The following LRP1B variants were observed in gnomAD, a reference collection of about 807,000 sequenced individuals.
LRP1B encodes the protein LDL receptor related protein 1B, also known as low-density lipoprotein receptor-related protein 1B.
Under a neutral mutation model 556.6 loss-of-function variants are expected in LRP1B, and 217 were observed. The ratio of observed to expected loss-of-function variants is 0.39; its 90% CI spans 0.35 to 0.44. The LOEUF (loss-of-function observed/expected upper bound fraction) is 0.44. LRP1B is among the 20% of genes least tolerant of loss of function. The pLI, the probability that LRP1B is intolerant of heterozygous loss-of-function variation, is 1.00. For synonymous variants in LRP1B, 2,047 were observed against 1,865.8 expected (o/e 1.10, Z -2.50); for missense variants, 5,053 against 5,620.8 (o/e 0.90, Z 3.23).
chr2:141,516,844 C>T (rs946390202), intron 2 of LRP1B, among the ~76,000 whole-genome samples: 2 of 151,328 alleles, frequency 1.3e-5, no homozygotes, highest in African/African-American at 2.4e-5. Flanking sequence ...ATTGCAGGCA[C>T]ATGCCACCAT....
At chr2:141,421,000 T>C (rs577359289) in intron 3 of LRP1B, among the ~76,000 whole-genome samples, 305 of 152,322 alleles carry the variant, frequency 2.0e-3, no homozygotes, top group South Asian at 4.8e-3. Context: ...TGGGTAAAAT[T>C]AAACCACTCT....
chr2:140,938,671 A>G (rs1020411602), intron 20 of LRP1B, among the ~76,000 whole-genome samples: 2 of 152,062 alleles, frequency 1.3e-5, no homozygotes, highest in Non-Finnish European at 2.9e-5. Flanking sequence ...TCTTGGGAAA[A>G]TATCTAAACA....
At chr2:142,060,817 T>C (rs914399535) in intron 1 of LRP1B, among the ~76,000 whole-genome samples, 2 of 152,044 alleles carry the variant, frequency 1.3e-5, no homozygotes, top group South Asian at 4.1e-4. Flanking sequence ...AATAGGTTAA[T>C]AGAGCAATTA....
At chr2:141,813,878 T>C (rs893400427) in intron 1 of LRP1B, among the ~76,000 whole-genome samples, 1 of 151,774 alleles carries the variant, frequency 6.6e-6, no homozygotes, top group Non-Finnish European at 1.5e-5. Flanking sequence ...CAAGAGGGGG[T>C]CTAAAAGAGG....
chr2:140,490,768 G>A (rs905987650), intron 57 of LRP1B, among the ~76,000 whole-genome samples: 1 of 152,100 alleles, frequency 6.6e-6, no homozygotes, highest in African/African-American at 2.4e-5. Flanking sequence ...CTGGGCAGAA[G>A]GCTTGCCATG....
intron 41 of LRP1B, among the ~76,000 whole-genome samples, chr2:140,674,533 T>C (rs1228354921): frequency 6.6e-6 from 1 of 152,216 alleles, no homozygotes; most frequent in Non-Finnish European, 1.5e-5. Flanking sequence ...TTTCAACAAA[T>C]TGCCAATCAG....
intron 2 of LRP1B, among the ~76,000 whole-genome samples, chr2:141,698,337 G>T (rs995875411): frequency 1.3e-5 from 2 of 151,686 alleles, no homozygotes; most frequent in Non-Finnish European, 2.9e-5. Context: ...AATAAAGAAT[G>T]GTGAGTGCTG....
At chr2:141,128,166 T>C (rs890847100) in intron 7 of LRP1B, among the ~76,000 whole-genome samples, 2 of 152,160 alleles carry the variant, frequency 1.3e-5, no homozygotes, top group African/African-American at 2.4e-5. Flanking sequence ...AATAATTTTA[T>C]AGCAACATAA....
rs756950375 is a variant in LRP1B, at chr2:140,700,354, T to C, written c.6695A>G (p.Asn2232Ser). 11 of 1,613,124 alleles carry C rather than the reference T, an allele frequency of 6.8e-6. No individual in the cohort carries two copies. The highest frequency in any genetic ancestry group is 1.3e-5 in the African/African-American group (1 of 74,846). Residue 2232 changes from asparagine to serine, a missense_variant, in exon 41 of 91, where the codon AAT (asparagine) becomes AGT (serine). Around this residue, in one of 5 missense-constraint regions of LRP1B, gnomAD observed 3,619 missense variants for 3,931.9 expected, o/e 0.92. Transcript: ENST00000389484. ...KNVIALAFDY[N>S]QRRKGTNRIF... Reference sequence around the variant, plus strand: ...TCGGTTGGTACCTTTTCTTCTTTGATTATAGTCAAAAGCCAAGGCTATGAC... The same window carrying C: ...TCGGTTGGTACCTTTTCTTCTTTGACTATAGTCAAAAGCCAAGGCTATGAC...
chr2:140,435,905 C>T (rs183285893), intron 66 of LRP1B, among the ~76,000 whole-genome samples: 2 of 152,042 alleles, frequency 1.3e-5, no homozygotes, highest in East Asian at 3.9e-4. Flanking sequence ...TCTATTGGAA[C>T]CAAAACATTT....
At chr2:141,262,263 G>C (rs552998741) in intron 3 of LRP1B, among the ~76,000 whole-genome samples, 17 of 144,322 alleles carry the variant, frequency 1.2e-4, no homozygotes, top group Non-Finnish European at 2.3e-4. Flanking sequence ...CTGAAAGAGA[G>C]AGAGCGAGAC....
At chr2:140,817,047 C>T (rs1464822822) in intron 31 of LRP1B, among the ~76,000 whole-genome samples, 3 of 152,000 alleles carry the variant, frequency 2.0e-5, no homozygotes, top group African/African-American at 7.2e-5. Context: ...TGTCAGAATG[C>T]TAAATCAATA....
At position 141,539,741 on chromosome 2, in the gene LRP1B, T is replaced by C. The variant is rs575503560; in HGVS notation, c.206-59208A>G. ...TACCATGATAGTGTAAAAGTAGCCA[T>C]AGATTATAGAAAAGTAAATAAGCAA... On this transcript the variant is annotated intron_variant, in intron 2 of 90. Transcript: ENST00000389484. Among the ~76,000 whole-genome samples, 24 of 152,286 alleles carry C rather than the reference T, an allele frequency of 1.6e-4. 1 individual carries two copies. The highest frequency in any genetic ancestry group is 5.5e-4 in the African/African-American group (23 of 41,578).
Position 141,552,616 on chromosome 2 carries a change from A to G in LRP1B, c.206-72083T>C, listed in dbSNP as rs965271514. On this transcript the variant is annotated intron_variant, in intron 2 of 90. Coordinates refer to ENST00000389484, the MANE Select transcript of LRP1B (RefSeq NM_018557.3). ...GTGATAGGAGGCTCACAGCCTCATAACATAGCAAATGTATGATTATTATTT... is the reference window on the plus strand; with the variant it reads ...GTGATAGGAGGCTCACAGCCTCATAGCATAGCAAATGTATGATTATTATTT... Among the ~76,000 whole-genome samples the G allele has an allele frequency of 2.6e-5, 4 of 152,012 alleles. No homozygotes were observed. In the East Asian group the frequency reaches 7.7e-4, roughly 29 times the overall value.
chr2:140,290,759 A>G (rs1174765677), intron 84 of LRP1B, among the ~76,000 whole-genome samples: 3 of 152,052 alleles, frequency 2.0e-5, no homozygotes, highest in Non-Finnish European at 2.9e-5. Flanking sequence ...AGAAGCTTGA[A>G]AGACCAGGTT....
chr2:141,315,053 C>A (rs980681918), intron 3 of LRP1B, among the ~76,000 whole-genome samples: 5 of 150,210 alleles, frequency 3.3e-5, no homozygotes, highest in Non-Finnish European at 5.9e-5. Flanking sequence ...CAGTATCTAA[C>A]CAAACAGGTA....
chr2:141,173,694 G>A (rs1431579219), intron 7 of LRP1B, among the ~76,000 whole-genome samples: 2 of 151,922 alleles, frequency 1.3e-5, no homozygotes, highest in African/African-American at 2.4e-5. Context: ...GAATTAAAAG[G>A]GTCATAAGGT....
chr2:140,361,364 A>ATATATATATATATATATATG (rs1682501718), intron 72 of LRP1B, among the ~76,000 whole-genome samples: 1 of 131,278 alleles, frequency 7.6e-6, no homozygotes, highest in Non-Finnish European at 1.6e-5. Flanking sequence ...ATATATATAT[A>ATATATATATATATATATATG]TATATATATA....
chr2:141,214,203 A>C (rs971297914), intron 6 of LRP1B, among the ~76,000 whole-genome samples: 1 of 152,192 alleles, frequency 6.6e-6, no homozygotes, highest in Non-Finnish European at 1.5e-5. Context: ...AATTCTCCCA[A>C]GCTAGGAGGT....
Sources: gnomAD v4.1 joint callset for allele counts (sites outside exome capture counted in the v4.1 genomes callset) on GRCh38, gnomAD v4.1.1 for gene constraint, gnomAD v4.1.1 regional missense constraint, MANE v1.5 for transcripts, NCBI Gene and HGNC (gene_info 2026-07-23, HGNC 2026-07-21) for gene names.